DAPK1: variants seen among roughly 807,000 people sequenced by gnomAD.
The protein encoded by DAPK1 is death associated protein kinase 1.
DAPK1 carries 56 observed loss-of-function variants against 144.9 expected under a neutral mutation model. The observed-to-expected ratio is 0.39, with a 90% CI of 0.31 to 0.48. The LOEUF is 0.48. DAPK1 is among the 20% of genes least tolerant of loss of function. DAPK1 has a pLI of 0.95. For synonymous variants in DAPK1, 690 were observed against 749.0 expected, an observed-to-expected ratio of 0.92 and a Z score of 1.29; for missense variants, 1,454 against 1,875.4, an observed-to-expected ratio of 0.78 and a Z score of 4.15.
intron 19 of DAPK1, among the ~76,000 whole-genome samples, chr9:87,673,154 C>T (rs1198865180): frequency 6.6e-6 from 1 of 152,154 alleles, no homozygotes; most frequent in Non-Finnish European, 1.5e-5. Flanking sequence ...GCATTCCCTA[C>T]AGCCATATTG....
intron 3 of DAPK1, among the ~76,000 whole-genome samples, chr9:87,606,710 CCTCCCTCTCTCT>C (rs1828737697): frequency 8.2e-6 from 1 of 121,380 alleles, no homozygotes; most frequent in South Asian, 3.5e-4. Context: ...TTCCTTCCTT[CCTCCCTCTCTCT>C]CTCCCTCCCT....
Position 87,590,899 on chromosome 9 carries a change from A to T in DAPK1, c.63-14055A>T, listed in dbSNP as rs572378554. On this transcript the variant is annotated intron_variant, in intron 2 of 25. Transcript: ENST00000408954. Reference sequence around the variant, plus strand: ...CCACTGCACCCCATCTATTTGTGCCATTCTGTTGTATTCATACAAGACCTT... The same window carrying T: ...CCACTGCACCCCATCTATTTGTGCCTTTCTGTTGTATTCATACAAGACCTT... 6.4e-4 allele frequency among the ~76,000 whole-genome samples: 97 copies of T among 152,282 alleles called. 1 individual carries two copies. The highest frequency in any genetic ancestry group is 2.2e-3 in the African/African-American group (92 of 41,560).
chr9:87,504,849 ATAG>A (rs1186585232), intron 2 of DAPK1, among the ~76,000 whole-genome samples: 1 of 152,224 alleles, frequency 6.6e-6, no homozygotes, highest in Non-Finnish European at 1.5e-5. Context: ...TGCTAACTAA[ATAG>A]TAGCATTATA....
chr9:87,653,730 G>A (rs1470098380), intron 17 of DAPK1, among the ~76,000 whole-genome samples: 10 of 151,254 alleles, frequency 6.6e-5, no homozygotes, highest in Non-Finnish European at 1.3e-4. Flanking sequence ...TCTCACTCTT[G>A]TCACCTGGGC....
chr9:87,696,973 T>C (rs752718574), intron 21 of DAPK1, 34 bp from the exon 22 acceptor site: 5 of 1,122,772 alleles, frequency 4.5e-6, no homozygotes, highest in Non-Finnish European at 6.8e-6. Context: ...GTTAGTGGTG[T>C]TTCACGATTG....
chr9:87,706,211 A>G lies in DAPK1; in HGVS notation c.3140A>G (p.Lys1047Arg), dbSNP rs960508569. ...TGGCTCTGCACAAACGTCCTGGGGA[A>G]GTTGCTGTCCGTGGAGACCCCACGG... is the stretch of plus-strand genomic sequence containing the variant. ...PRWLCTNVLG[K>R]LLSVETPRAL... Residue 1047 changes from lysine to arginine, a missense_variant, in exon 26 of 26, where the codon AAG (lysine) becomes AGG (arginine). By Grantham distance (26) the Lys-to-Arg change is conservative. Coordinates refer to ENST00000408954, the MANE Select transcript of DAPK1 (RefSeq NM_004938.4). The surrounding 1 kb of genome is among the most constrained non-coding windows in gnomAD (Gnocchi z 9.0). 1 of 1,612,920 alleles carries G rather than the reference A, an allele frequency of 6.2e-7. No homozygotes were observed. The highest frequency in any genetic ancestry group is 1.1e-5 in the South Asian group (1 of 91,054).
intron 2 of DAPK1, among the ~76,000 whole-genome samples, chr9:87,565,417 A>G (rs1004346930): frequency 6.6e-6 from 1 of 152,166 alleles, no homozygotes; most frequent in African/African-American, 2.4e-5. Context: ...TCGAGGGATG[A>G]TGTCTTCCAA....
At chr9:87,638,241 T>C (rs1829972073) in intron 4 of DAPK1, among the ~76,000 whole-genome samples, 160 bp downstream of exon 4, 1 of 152,214 alleles carries the variant, frequency 6.6e-6, no homozygotes. Flanking sequence ...ATAGGATACA[T>C]GCCCCCCACT....
At chr9:87,627,162 A>G (rs534655599) in intron 3 of DAPK1, among the ~76,000 whole-genome samples, 10 of 152,236 alleles carry the variant, frequency 6.6e-5, no homozygotes, top group African/African-American at 2.4e-4. Flanking sequence ...AGGCGCCCAC[A>G]TGGAGAGGGG....
At chr9:87,648,559 A>G in intron 14 of DAPK1, 5 of 512,430 alleles carry the variant, frequency 9.8e-6, no homozygotes, top group Non-Finnish European at 1.7e-5. Flanking sequence ...TTTGCACTTC[A>G]CAGGATGAGC....
chr9:87,631,403 G>A lies in DAPK1; in HGVS notation c.285-6540G>A, dbSNP rs368960144. 2.5e-4 allele frequency among the ~76,000 whole-genome samples: 38 copies of A among 152,182 alleles called. 1 individual carries two copies. The highest frequency in any genetic ancestry group is 7.2e-4 in the African/African-American group (30 of 41,520). ...TGACATGTCCTAAATACCTTCTGTCGTGGCCAACTTTTAGGGAGGCTTTGG... is the reference window on the plus strand; with the variant it reads ...TGACATGTCCTAAATACCTTCTGTCATGGCCAACTTTTAGGGAGGCTTTGG... On this transcript the variant is annotated intron_variant, in intron 3 of 25. Transcript: ENST00000408954.
chr9:87,636,499 A>G (rs1233846018), intron 3 of DAPK1, among the ~76,000 whole-genome samples: 6 of 152,256 alleles, frequency 3.9e-5, no homozygotes, highest in Non-Finnish European at 1.5e-5. Flanking sequence ...CTCACACAGC[A>G]GATTGAAAGT....
rs1825687984 is a variant in DAPK1 at position 87,707,567 on chromosome 9, A to G, written c.*203A>G. ...TCCGTTGTCTGTGGATGGTCATTGC[A>G]GTTTAAGAGCAGAACAGATCTTTTA... On this transcript the variant is annotated 3_prime_UTR_variant, in exon 26 of 26. Coordinates refer to ENST00000408954, the MANE Select transcript of DAPK1 (RefSeq NM_004938.4). This position sits in a 1 kb window ranked among gnomAD's most constrained non-coding sequence, Gnocchi z 4.0. The G allele has an allele frequency of 1.2e-5, 7 of 589,538 alleles. No homozygotes were observed. The highest frequency in any genetic ancestry group is 1.9e-5 in the African/African-American group (1 of 53,638). 36.5% of individuals were successfully genotyped at this position (589,538 alleles called of 1,614,324 possible).
intron 2 of DAPK1, among the ~76,000 whole-genome samples, chr9:87,537,560 G>A (rs1327420069): frequency 6.6e-6 from 1 of 152,170 alleles, no homozygotes; most frequent in East Asian, 1.9e-4. Flanking sequence ...TGGTGTGCAT[G>A]TCTGGAGTAT....
At chr9:87,560,667 CTTT>C (rs35938750) in intron 2 of DAPK1, among the ~76,000 whole-genome samples, 1,366 of 133,272 alleles carry the variant, frequency 0.01, 5 homozygotes, top group Middle Eastern at 0.019. Flanking sequence ...TCAGAACGTA[CTTT>C]TTTTTTTTTT....
chr9:87,629,123 T>C (rs1388476503), intron 3 of DAPK1, among the ~76,000 whole-genome samples: 2 of 152,224 alleles, frequency 1.3e-5, no homozygotes, highest in Non-Finnish European at 2.9e-5. Flanking sequence ...TTGGTTACAT[T>C]CTTTGCAGAT....
chr9:87,646,635 G>GA, intron 13 of DAPK1, 76 bp downstream of exon 13: 1 of 1,176,806 alleles, frequency 8.5e-7, no homozygotes, highest in African/African-American at 1.6e-5. Context: ...GGTAACAGAG[G>GA]AAAAAAATTT....
chr9:87,699,065 CTGAAAT>C (rs1407689828), intron 23 of DAPK1, among the ~76,000 whole-genome samples: 1 of 152,198 alleles, frequency 6.6e-6, no homozygotes, highest in Non-Finnish European at 1.5e-5. Context: ...AATTCTAAAT[CTGAAAT>C]GCTCTAATAA....
chr9:87,569,540 T>G (rs1475901217), intron 2 of DAPK1, among the ~76,000 whole-genome samples: 1 of 152,218 alleles, frequency 6.6e-6, no homozygotes, highest in African/African-American at 2.4e-5. Context: ...GGAAAATCGA[T>G]CTTTTGAAAT....
Sources: gnomAD v4.1 joint callset for allele counts (sites outside exome capture counted in the v4.1 genomes callset) on GRCh38, gnomAD v4.1.1 for gene constraint, Gnocchi (gnomAD v3.1) non-coding constraint, MANE v1.5 for transcripts, NCBI Gene and HGNC (gene_info 2026-07-23, HGNC 2026-07-21) for gene names.